Variants in NEIL3 observed in about 807,000 individuals in gnomAD.
NEIL3 encodes the protein endonuclease 8-like 3.
NEIL3 carries 48 observed loss-of-function variants against 57.5 expected under a neutral mutation model. That is an observed-to-expected ratio of 0.83 (90% CI 0.66 to 1.06). The LOEUF (loss-of-function observed/expected upper bound fraction) is 1.06. NEIL3 is among the 50% of genes least tolerant of loss of function. NEIL3 has a pLI of 0.00. For missense variants in NEIL3, 717 were observed against 739.1 expected (o/e 0.97, Z 0.35); for synonymous variants, 261 against 253.2 (o/e 1.03, Z -0.29).
chr4:177,335,401 C>G (rs1414809706), intron 2 of NEIL3, among the ~76,000 whole-genome samples: 3 of 152,032 alleles, frequency 2.0e-5, no homozygotes, highest in Admixed American at 1.3e-4. Flanking sequence ...AAAAGAGGAG[C>G]AGGGGTGTAT....
At chr4:177,370,529 G>C in the NEIL3 span, among the ~76,000 whole-genome samples, 20 of 152,212 alleles carry the variant, frequency 1.3e-4, no homozygotes, top group African/African-American at 4.8e-4. Context: ...GAAACCTATT[G>C]TTCTACTTTC....
intron 4 of NEIL3, among the ~76,000 whole-genome samples, chr4:177,338,651 A>G (rs1345608717): frequency 6.6e-6 from 1 of 152,252 alleles, no homozygotes; most frequent in Non-Finnish European, 1.5e-5. Context: ...TGCAAGGGTA[A>G]CACTGAGATT....
intron 6 of NEIL3, among the ~76,000 whole-genome samples, chr4:177,347,158 G>A (rs950252189): frequency 6.6e-6 from 1 of 152,166 alleles, no homozygotes; most frequent in Non-Finnish European, 1.5e-5. Context: ...AGATAAGTCC[G>A]TGGGGAGGAC....
At position 177,336,273 on chromosome 4, in the gene NEIL3, C is replaced by G; in HGVS notation, c.579C>G (p.Ile193Met). ...ACGTATTGCCTGGAGTAGGGAACAT[C>G]ATCAAAAATGAAGCTCTCTTTGACA... ...DQNVLPGVGN[I>M]IKNEALFDSG... Residue 193 changes from isoleucine (I) to methionine (M), a missense_variant, in exon 4 of 10, where the codon ATC (isoleucine) becomes ATG (methionine). Transcript: ENST00000264596. 1.2e-6 allele frequency: 2 copies of G among 1,614,166 alleles called. No homozygotes were observed. Among genetic ancestry groups the G allele is most frequent in the Non-Finnish European group, 1.7e-6 (2 of 1,180,022 alleles).
At chr4:177,325,170 C>T (rs1337192378) in intron 2 of NEIL3, among the ~76,000 whole-genome samples, 2 of 152,028 alleles carry the variant, frequency 1.3e-5, no homozygotes, top group Non-Finnish European at 2.9e-5. Context: ...AAGTATGAAC[C>T]TCAAACCAGT....
rs35309221 is a variant in NEIL3, at chr4:177,323,953, G to A, written c.278+1373G>A. On this transcript the variant is annotated intron_variant, in intron 2 of 9. Coordinates refer to ENST00000264596, the MANE Select transcript of NEIL3 (RefSeq NM_018248.3). ...CTGGAGAGTACCTATGTCAGTATAT[G>A]GGTGGGAAAAATGCAGTGGCTTGCT... Among the ~76,000 whole-genome samples the A allele has an allele frequency of 3.7e-3, 568 of 152,232 alleles. 23 individuals carry two copies. The East Asian group carries it at 0.084, about 22-fold the overall frequency.
intron 2 of NEIL3, among the ~76,000 whole-genome samples, chr4:177,327,732 C>A (rs1734810214): frequency 6.6e-6 from 1 of 152,078 alleles, no homozygotes; most frequent in Non-Finnish European, 1.5e-5. Context: ...TTTATTAAAT[C>A]AAAAAATTTC....
chr4:177,323,218 C>T (rs558806969), intron 2 of NEIL3, among the ~76,000 whole-genome samples: 1 of 152,168 alleles, frequency 6.6e-6, no homozygotes, highest in East Asian at 1.9e-4. Context: ...AAAATGAAAG[C>T]GGCCTTTGAG....
At chr4:177,325,784 A>T (rs1734769563) in intron 2 of NEIL3, among the ~76,000 whole-genome samples, 1 of 151,972 alleles carries the variant, frequency 6.6e-6, no homozygotes, top group Admixed American at 6.6e-5. Flanking sequence ...CTATGATTTT[A>T]ATTTTCTTCT....
At chr4:177,333,572 A>C (rs552005296) in intron 2 of NEIL3, among the ~76,000 whole-genome samples, 4 of 152,214 alleles carry the variant, frequency 2.6e-5, no homozygotes, top group Non-Finnish European at 4.4e-5. Flanking sequence ...GGCTTCAAGG[A>C]GAACTAAAGC....
In NEIL3 at chr4:177,360,592, G is replaced by A. The variant is rs372096752; in HGVS notation, c.1550G>A (p.Arg517Gln). 125 of 1,613,922 alleles carry A rather than the reference G, an allele frequency of 7.7e-5. No homozygotes were observed. In the East Asian group the frequency reaches 1.7e-3, roughly 22 times the overall value. ...AAACACAACCGCCTCTGCATTCTCC[G>A]AGTTGTGGGGAAGGATGGGGAAAAC... ...CSKHNRLCIL[R>Q]VVGKDGENKG... Residue 517 changes from arginine (R) to glutamine (Q), a missense_variant, in exon 9 of 10, where the codon CGA becomes CAA. Transcript: ENST00000264596.
chr4:177,331,228 C>CT (rs1734879500), intron 2 of NEIL3, among the ~76,000 whole-genome samples: 1 of 151,946 alleles, frequency 6.6e-6, no homozygotes, highest in South Asian at 2.1e-4. Context: ...TCTGTTTTAT[C>CT]TTTTTCATCC....
chr4:177,363,146 C>T (rs991953521), downstream of NEIL3, among the ~76,000 whole-genome samples: 6 of 152,208 alleles, frequency 3.9e-5, no homozygotes, highest in Non-Finnish European at 5.9e-5. Context: ...GCCCTCTCCC[C>T]GCTGCTTGTA....
rs188197838 is a variant in NEIL3, at chr4:177,362,843, A to G, written c.*372A>G. ...CAATAAAATAAGATATTCTGTCTGT[A>G]GTGAATACATTTCTCATGTACTAAC... On this transcript the variant is annotated 3_prime_UTR_variant, in exon 10 of 10. Coordinates refer to ENST00000264596, the MANE Select transcript of NEIL3 (RefSeq NM_018248.3). 622 of 154,724 alleles carry G rather than the reference A, an allele frequency of 4.0e-3. 8 individuals carry two copies. Among genetic ancestry groups the G allele is most frequent in the African/African-American group, 0.014 (583 of 41,672 alleles). The allele number at this position is 154,724 out of a possible 1,614,324, so 9.6% of individuals were successfully genotyped here. A position where few individuals can be genotyped will look rare whatever the true frequency, so the allele number is the denominator to read the frequency against.
In NEIL3 at chr4:177,334,382, G is replaced by C. The variant is rs905901905; in HGVS notation, c.279-1306G>C. On this transcript the variant is annotated intron_variant, in intron 2 of 9. Transcript: ENST00000264596. ...TTCCTAAAAATGAATTGATTTATAA[G>C]TCAGAGCCATACTTATTTGATCTAA... Among the ~76,000 whole-genome samples the C allele has an allele frequency of 5.9e-5, 9 of 152,096 alleles. No homozygotes were observed. In the East Asian group the frequency reaches 1.5e-3, roughly 26 times the overall value.
Position 177,351,594 on chromosome 4 carries a change from G to A in NEIL3, c.1039+45G>A, listed in dbSNP as rs1054753. On this transcript the variant is annotated intron_variant, in intron 7 of 9. Transcript: ENST00000264596. Reference sequence around the variant, plus strand: ...TTGAGTTTGTTACATTTCTAAGAGGGTTAATTATACAAAGTCAGGAATATA... The same window carrying A: ...TTGAGTTTGTTACATTTCTAAGAGGATTAATTATACAAAGTCAGGAATATA... 0.43 allele frequency: 612,946 copies of A among 1,436,278 alleles called. 140,670 individuals carry two copies. The highest frequency in any genetic ancestry group is 0.5 in the Middle Eastern group (2,793 of 5,640). The allele number at this position is 1,436,278 out of a possible 1,614,324, so 89.0% of individuals were successfully genotyped here.
Position 177,343,984 on chromosome 4 carries a change from G to T in NEIL3, c.869+2342G>T, listed in dbSNP as rs181584796. Among the ~76,000 whole-genome samples, 6 of 152,116 alleles carry T rather than the reference G, an allele frequency of 3.9e-5. 1 individual carries two copies. Among genetic ancestry groups the T allele is most frequent in the Admixed American group, 3.9e-4 (6 of 15,268 alleles). On this transcript the variant is annotated intron_variant, in intron 6 of 9. Coordinates refer to ENST00000264596, the MANE Select transcript of NEIL3 (RefSeq NM_018248.3). ...TTAATGTTCTGTATTGGTTTTCTAT[G>T]AATTGATATCTTTGAGATTAAAAAA... is the stretch of plus-strand genomic sequence containing the variant.
At position 177,341,639 on chromosome 4, in the gene NEIL3, T is replaced by C; in HGVS notation, c.866T>C (p.Ile289Thr). The change falls in exon 6 of 10, where the codon ATA becomes ACA. Residue 289 changes from isoleucine (I) to threonine (T), a missense_variant. Coordinates refer to ENST00000264596, the MANE Select transcript of NEIL3 (RefSeq NM_018248.3). Reference protein sequence around the residue: ...CQKENPQHVDICKLPTRNTII... With the variant: ...CQKENPQHVDTCKLPTRNTII... The stretch of plus-strand genomic sequence containing the variant: ...AAAGAAAATCCTCAACATGTTGACA[T>C]ATGGTAAGATATTGAATTTAAAGGG... 1 of 1,611,770 alleles carries C rather than the reference T, an allele frequency of 6.2e-7. No individual in the cohort carries two copies.
intron 5 of NEIL3, among the ~76,000 whole-genome samples, chr4:177,340,319 G>A (rs544570802): frequency 6.6e-6 from 1 of 152,292 alleles, no homozygotes; most frequent in African/African-American, 2.4e-5. Context: ...TCTGTAAAAT[G>A]GGATAATAAT....
Sources: allele counts gnomAD v4.1 joint callset (sites outside exome capture counted in the v4.1 genomes callset), GRCh38; gene constraint gnomAD v4.1.1; transcripts MANE v1.5; gene names NCBI Gene and HGNC (gene_info 2026-07-23, HGNC 2026-07-21).